Variants in PDCD1LG2 observed in about 807,000 individuals in gnomAD.
The protein encoded by PDCD1LG2 is programmed cell death 1 ligand 2, also known as B7 dendritic cell molecule.
A neutral mutation model predicts 28.2 loss-of-function variants in PDCD1LG2; 32 were observed. The observed-to-expected ratio is 1.13, with a 90% CI of 0.86 to 1.52. The LOEUF is 1.52. PDCD1LG2 is among the 40% of genes most tolerant of loss of function. The probability of loss-of-function intolerance (pLI) is 0.00; values close to 1 mark genes in which losing one functional copy is unlikely to be tolerated. For synonymous variants in PDCD1LG2, 116 were observed against 120.2 expected, an observed-to-expected ratio of 0.97 and a Z score of 0.23; for missense variants, 385 against 323.8, an observed-to-expected ratio of 1.19 and a Z score of -1.45.
At chr9:5,551,141 A>G (rs1426930226) in intron 4 of PDCD1LG2, among the ~76,000 whole-genome samples, 2 of 152,220 alleles carry the variant, frequency 1.3e-5, no homozygotes, top group African/African-American at 4.8e-5. Context: ...GTAAGGTGAC[A>G]TATTCACATG....
intron 3 of PDCD1LG2, among the ~76,000 whole-genome samples, chr9:5,547,045 G>A (rs1434264475): frequency 6.6e-6 from 1 of 152,192 alleles, no homozygotes; most frequent in African/African-American, 2.4e-5. Context: ...GAGGGGAACA[G>A]AGGGGCAAAA....
chr9:5,531,936 C>T (rs1239346977), intron 2 of PDCD1LG2, among the ~76,000 whole-genome samples: 1 of 152,154 alleles, frequency 6.6e-6, no homozygotes, highest in East Asian at 1.9e-4. Context: ...TATTATTCTT[C>T]AAGGACAGAT....
At chr9:5,539,259 CAAAA>C (rs1163872354) in intron 3 of PDCD1LG2, among the ~76,000 whole-genome samples, 1 of 150,584 alleles carries the variant, frequency 6.6e-6, no homozygotes, top group Admixed American at 6.6e-5. Flanking sequence ...GGAATACAAG[CAAAA>C]AAAAAGTTGG....
At position 5,551,380 on chromosome 9, in the gene PDCD1LG2, C is replaced by T. The variant is rs541165246; in HGVS notation, c.631+1776C>T. Among the ~76,000 whole-genome samples the T allele has an allele frequency of 8.5e-4, 130 of 152,206 alleles. 2 individuals carry two copies. The highest frequency in any genetic ancestry group is 6.7e-3 in the Admixed American group (102 of 15,296). Reference sequence around the variant, plus strand: ...TGGCATGCAGGTATTTAATTGGCAACCCCAGAGGGCAGAAGCAAGAGATTT... The same window carrying T: ...TGGCATGCAGGTATTTAATTGGCAATCCCAGAGGGCAGAAGCAAGAGATTT... On this transcript the variant is annotated intron_variant, in intron 4 of 6. Coordinates refer to ENST00000397747, the MANE Select transcript of PDCD1LG2 (RefSeq NM_025239.4).
rs368196979 is a variant in PDCD1LG2, at chr9:5,525,916, A to C, written c.55+3315A>C. On this transcript the variant is annotated intron_variant, in intron 2 of 6. Coordinates refer to ENST00000397747, the MANE Select transcript of PDCD1LG2 (RefSeq NM_025239.4). ...ACAAAAATTAGCTGGGCATGGTGGC[A>C]CAAGCCTGTAATCCCAGCTACTCGG... Among the ~76,000 whole-genome samples, 77 of 152,138 alleles carry C rather than the reference A, an allele frequency of 5.1e-4. No individual in the cohort carries two copies. The East Asian group carries it at 7.7e-3, about 15-fold the overall frequency.
chr9:5,537,490 C>A (rs538331653), intron 3 of PDCD1LG2, among the ~76,000 whole-genome samples: 3 of 152,206 alleles, frequency 2.0e-5, no homozygotes, highest in Admixed American at 6.5e-5. Flanking sequence ...AAATGTCCAA[C>A]AACGATAGAC....
rs1037459557 is a variant in PDCD1LG2, at chr9:5,570,828, A to G, written c.*869A>G. On this transcript the variant is annotated 3_prime_UTR_variant, in exon 7 of 7. Coordinates refer to ENST00000397747, the MANE Select transcript of PDCD1LG2 (RefSeq NM_025239.4). ...ACTAAGCCTCCTTTTCTGGCCCTCA[A>G]TATGACTTTAAATTTGACTTTTCAG... 8.6e-6 allele frequency: 2 copies of G among 232,652 alleles called. No individual in the cohort carries two copies. The highest frequency in any genetic ancestry group is 2.2e-5 in the African/African-American group (1 of 45,302). The allele number at this position is 232,652 out of a possible 1,614,324, so 14.4% of individuals were successfully genotyped here. A position where few individuals can be genotyped will look rare whatever the true frequency, so the allele number is the denominator to read the frequency against.
intron 2 of PDCD1LG2, among the ~76,000 whole-genome samples, chr9:5,526,043 T>A (rs1189120613): frequency 1.0e-5 from 1 of 95,708 alleles, no homozygotes; most frequent in Non-Finnish European, 2.0e-5. Context: ...TGAGACTCCG[T>A]CTCAAAAAAA....
chr9:5,558,795 G>C (rs1015975819), intron 5 of PDCD1LG2, among the ~76,000 whole-genome samples: 1 of 141,056 alleles, frequency 7.1e-6, no homozygotes, highest in Non-Finnish European at 1.5e-5. Flanking sequence ...GAAAAAGACA[G>C]AGGGAGGGAA....
At chr9:5,526,494 G>A (rs1820382128) in intron 2 of PDCD1LG2, among the ~76,000 whole-genome samples, 1 of 152,110 alleles carries the variant, frequency 6.6e-6, no homozygotes, top group South Asian at 2.1e-4. Flanking sequence ...CTGGAGTGCA[G>A]TGGCCCAACC....
chr9:5,553,389 T>C (rs1375524768), intron 4 of PDCD1LG2, among the ~76,000 whole-genome samples: 2 of 152,234 alleles, frequency 1.3e-5, no homozygotes, highest in African/African-American at 4.8e-5. Context: ...TGGAATTGTT[T>C]ATTCAACTGT....
intron 5 of PDCD1LG2, among the ~76,000 whole-genome samples, chr9:5,562,181 A>T (rs1816578319): frequency 6.6e-6 from 1 of 152,232 alleles, no homozygotes; most frequent in Non-Finnish European, 1.5e-5. Context: ...ATGTGAAATC[A>T]GAGGTTAAGA....
intron 6 of PDCD1LG2, among the ~76,000 whole-genome samples, chr9:5,564,533 C>T (rs567662931): frequency 6.6e-6 from 1 of 152,258 alleles, no homozygotes; most frequent in African/African-American, 2.4e-5. Flanking sequence ...TTTACCAATA[C>T]CTAATGAGGA....
chr9:5,519,269 G>C (rs1820228707), intron 1 of PDCD1LG2, among the ~76,000 whole-genome samples: 1 of 152,182 alleles, frequency 6.6e-6, no homozygotes, highest in African/African-American at 2.4e-5. Flanking sequence ...TGTTGGGAAT[G>C]TGAAAGCCCC....
intron 2 of PDCD1LG2, among the ~76,000 whole-genome samples, chr9:5,524,575 A>G (rs1820336158): frequency 1.3e-5 from 2 of 152,160 alleles, no homozygotes; most frequent in Non-Finnish European, 1.5e-5. Context: ...TTTTTTTAAA[A>G]TCTTGTCATT....
intron 1 of PDCD1LG2, among the ~76,000 whole-genome samples, chr9:5,521,022 T>C (rs1192212463): frequency 3.9e-5 from 6 of 152,204 alleles, no homozygotes; most frequent in African/African-American, 1.4e-4. Flanking sequence ...AATGGAATAT[T>C]ATTTAGTCAC....
chr9:5,534,293 T>G (rs1028297705), intron 2 of PDCD1LG2, among the ~76,000 whole-genome samples: 2 of 152,068 alleles, frequency 1.3e-5, no homozygotes, highest in Non-Finnish European at 2.9e-5. Flanking sequence ...GAAACAAACC[T>G]GGAGAATAGG....
At chr9:5,543,262 A>G (rs544388152) in intron 3 of PDCD1LG2, among the ~76,000 whole-genome samples, 8 of 152,074 alleles carry the variant, frequency 5.3e-5, no homozygotes, top group Non-Finnish European at 1.2e-4. Flanking sequence ...CATTTGGGCC[A>G]GGCGTGGTTG....
In PDCD1LG2 at chr9:5,570,023, C is replaced by A. The variant is rs771328492; in HGVS notation, c.*64C>A. 1 of 1,609,460 alleles carries A rather than the reference C, an allele frequency of 6.2e-7. No individual in the cohort carries two copies. Among genetic ancestry groups the A allele is most frequent in the Non-Finnish European group, 8.5e-7 (1 of 1,176,030 alleles). On this transcript the variant is annotated 3_prime_UTR_variant, in exon 7 of 7. Transcript: ENST00000397747. Reference sequence around the variant, plus strand: ...TCTAAAGAAGCTTCTGGACTCTGAACAAGAATTCGGTGGCCTGCAGAGCTT... The same window carrying A: ...TCTAAAGAAGCTTCTGGACTCTGAAAAAGAATTCGGTGGCCTGCAGAGCTT...
Sources: allele counts gnomAD v4.1 joint callset (sites outside exome capture counted in the v4.1 genomes callset), GRCh38; gene constraint gnomAD v4.1.1; transcripts MANE v1.5; gene names NCBI Gene and HGNC (gene_info 2026-07-23, HGNC 2026-07-21).